The following ENOX1 variants were observed in gnomAD, a reference collection of about 807,000 sequenced individuals.
ENOX1 encodes candidate growth-related and time keeping constitutive hydroquinone (NADH) oxidase.
A neutral mutation model predicts 82.5 loss-of-function variants in ENOX1; 42 were observed. That is an observed-to-expected ratio of 0.51 (90% CI 0.40 to 0.66). The LOEUF (loss-of-function observed/expected upper bound fraction) is 0.66, where lower values mean the gene tolerates loss of function less well. Ranked by LOEUF, ENOX1 falls within the 30% of genes least tolerant of loss-of-function variation. The pLI is 0.00. For missense variants in ENOX1, 608 were observed against 811.6 expected, an observed-to-expected ratio of 0.75 and a Z score of 3.05; for synonymous variants, 271 against 282.2, an observed-to-expected ratio of 0.96 and a Z score of 0.40.
At chr13:43,230,380 G>A (rs1229136719) in intron 15 of ENOX1, among the ~76,000 whole-genome samples, 1 of 152,096 alleles carries the variant, frequency 6.6e-6, no homozygotes, top group African/African-American at 2.4e-5. Context: ...TTTGGACAGG[G>A]GCAGGAAATG....
chr13:43,252,926 A>T (rs115776477), intron 14 of ENOX1, among the ~76,000 whole-genome samples: 162 of 152,302 alleles, frequency 1.1e-3, no homozygotes, highest in African/African-American at 3.7e-3. Flanking sequence ...TTGAGGTTGG[A>T]AGGATTAAGA....
chr13:43,760,508 A>T (rs1055005036), intron 1 of ENOX1, among the ~76,000 whole-genome samples: 1 of 152,016 alleles, frequency 6.6e-6, no homozygotes, highest in Non-Finnish European at 1.5e-5. Flanking sequence ...CAACGTGTGC[A>T]TGTTTGCCCC....
At chr13:43,490,110 T>C (rs1050777225) in intron 2 of ENOX1, among the ~76,000 whole-genome samples, 2 of 152,084 alleles carry the variant, frequency 1.3e-5, no homozygotes, top group Non-Finnish European at 2.9e-5. Flanking sequence ...AGCCAGATTT[T>C]TTTCTATTTT....
At chr13:43,554,398 A>G (rs2079343370) in intron 2 of ENOX1, among the ~76,000 whole-genome samples, 1 of 152,232 alleles carries the variant, frequency 6.6e-6, no homozygotes, top group Admixed American at 6.5e-5. Context: ...ATTTAAAAAC[A>G]TAGTTAGATC....
intron 2 of ENOX1, among the ~76,000 whole-genome samples, chr13:43,511,750 T>C (rs530502962): frequency 6.6e-6 from 1 of 152,300 alleles, no homozygotes; most frequent in East Asian, 1.9e-4. Flanking sequence ...TTGGTCTGCA[T>C]CATTTCACCT....
intron 12 of ENOX1, among the ~76,000 whole-genome samples, chr13:43,275,254 C>T (rs2044940650): frequency 6.6e-6 from 1 of 152,158 alleles, no homozygotes; most frequent in Non-Finnish European, 1.5e-5. Flanking sequence ...AGAACAACAA[C>T]CCCTTCCTTG....
intron 1 of ENOX1, among the ~76,000 whole-genome samples, chr13:43,692,057 T>G (rs1007102046): frequency 3.9e-5 from 6 of 152,188 alleles, no homozygotes; most frequent in Non-Finnish European, 7.4e-5. Context: ...GTGAGTGAAC[T>G]CTAATACTTC....
In ENOX1 at chr13:43,630,874, C is replaced by CACACACACAT. The variant is rs768788507; in HGVS notation, c.-219+36604_-219+36605insATGTGTGTGT. Among the ~76,000 whole-genome samples the CACACACACAT allele has an allele frequency of 6.2e-5, 9 of 144,662 alleles. No homozygotes were observed. In the East Asian group the frequency reaches 1.0e-3, roughly 17 times the overall value. The allele number at this position is 144,662 out of a possible 152,430, so 94.9% of individuals were successfully genotyped here. On this transcript the variant is annotated intron_variant, in intron 2 of 16. Coordinates refer to ENST00000690772, the MANE Select transcript of ENOX1 (RefSeq NM_001347969.2). ...ATATATATATATACACACACACACA[C>CACACACACAT]ATATATATACACATATATATACACG...
chr13:43,517,140 C>A lies in ENOX1; in HGVS notation c.-218-32988G>T, dbSNP rs760364623. ...GTTACAGAATACAGACTAGAGTGTGCCTCACAATTATATTTTATGGTGGAA... is the reference window on the plus strand; with the variant it reads ...GTTACAGAATACAGACTAGAGTGTGACTCACAATTATATTTTATGGTGGAA... On this transcript the variant is annotated intron_variant, in intron 2 of 16. Transcript: ENST00000690772. Among the ~76,000 whole-genome samples the A allele has an allele frequency of 3.9e-5, 6 of 152,226 alleles. No individual in the cohort carries two copies. In the East Asian group the frequency reaches 1.2e-3, roughly 29 times the overall value.
chr13:43,754,176 CGTAT>C lies in ENOX1; in HGVS notation c.-285+32472_-285+32475del, dbSNP rs143340471. Reference sequence around the variant, plus strand: ...CATATGTATATATGTATACATTACACGTATGTATGTATATATACATATGTATATG... The same window carrying C: ...CATATGTATATATGTATACATTACACGTATGTATATATACATATGTATATG... On this transcript the variant is annotated intron_variant, in intron 1 of 16. Transcript: ENST00000690772. Among the ~76,000 whole-genome samples the C allele has an allele frequency of 9.8e-3, 990 of 101,060 alleles. 13 individuals carry two copies. Among genetic ancestry groups the C allele is most frequent in the African/African-American group, 0.027 (842 of 31,066 alleles). 66.3% of individuals were successfully genotyped at this position (101,060 alleles called of 152,430 possible). A position where few individuals can be genotyped will look rare whatever the true frequency, so the allele number is the denominator to read the frequency against.
chr13:43,520,847 G>A (rs2077737364), intron 2 of ENOX1, among the ~76,000 whole-genome samples: 1 of 152,178 alleles, frequency 6.6e-6, no homozygotes. Context: ...GAAAGGCTGG[G>A]TCGAAACAGG....
intron 2 of ENOX1, among the ~76,000 whole-genome samples, chr13:43,597,123 G>A (rs1230552768): frequency 6.6e-6 from 1 of 152,140 alleles, no homozygotes; most frequent in Non-Finnish European, 1.5e-5. Context: ...GAGAGTGGGG[G>A]AAGAGCTATA....
intron 2 of ENOX1, among the ~76,000 whole-genome samples, chr13:43,561,874 G>A (rs1043063742): frequency 1.3e-5 from 2 of 151,912 alleles, no homozygotes; most frequent in African/African-American, 4.8e-5. Flanking sequence ...CAGGTACTTG[G>A]GACACTGAGG....
intron 2 of ENOX1, among the ~76,000 whole-genome samples, chr13:43,651,376 C>G (rs2084161608): frequency 6.6e-6 from 1 of 152,038 alleles, no homozygotes; most frequent in African/African-American, 2.4e-5. Context: ...TTATCCTTAC[C>G]TAGTACTTTC....
chr13:43,243,118 A>G (rs2042916920), intron 14 of ENOX1, among the ~76,000 whole-genome samples: 3 of 141,140 alleles, frequency 2.1e-5, no homozygotes, highest in Admixed American at 7.4e-5. Flanking sequence ...CCTGGGCAAC[A>G]GAGTGAGACT....
At chr13:43,559,422 T>A (rs2079575210) in intron 2 of ENOX1, among the ~76,000 whole-genome samples, 1 of 152,206 alleles carries the variant, frequency 6.6e-6, no homozygotes, top group Admixed American at 6.6e-5. Flanking sequence ...ATTTTCTGTA[T>A]GACATGGAAA....
intron 2 of ENOX1, among the ~76,000 whole-genome samples, chr13:43,592,860 C>A (rs7319075): frequency 0.32 from 49,363 of 152,022 alleles, 10,737 homozygotes; most frequent in East Asian, 0.73. Context: ...AATTCTTTGG[C>A]ACATTAAAAA....
At position 43,327,010 on chromosome 13, in the gene ENOX1, T is replaced by G. The variant is rs544826182; in HGVS notation, c.1037-485A>C. Among the ~76,000 whole-genome samples the G allele has an allele frequency of 1.1e-4, 16 of 152,330 alleles. No homozygotes were observed. The Middle Eastern group carries it at 0.017, about 162-fold the overall frequency. ...CAATCACAGTCCTCTCAAGACATTA[T>G]CATGTCCAAGTTCCAAATTGGGACA... On this transcript the variant is annotated intron_variant, in intron 9 of 16. Coordinates refer to ENST00000690772, the MANE Select transcript of ENOX1 (RefSeq NM_001347969.2).
At chr13:43,344,062 C>T (rs1038241969) in intron 9 of ENOX1, among the ~76,000 whole-genome samples, 26 of 152,162 alleles carry the variant, frequency 1.7e-4, no homozygotes, top group Admixed American at 1.1e-3. Context: ...CCCATTTTGA[C>T]AGCCACAGCT....
Sources: gnomAD v4.1 joint callset for allele counts (sites outside exome capture counted in the v4.1 genomes callset) on GRCh38, gnomAD v4.1.1 for gene constraint, MANE v1.5 for transcripts, NCBI Gene and HGNC (gene_info 2026-07-23, HGNC 2026-07-21) for gene names.